Variants in DLK2 observed in about 807,000 individuals in gnomAD.
DLK2 encodes the protein delta like non-canonical Notch ligand 2, also known as protein delta homolog 2.
Under a neutral mutation model 31.3 loss-of-function variants are expected in DLK2, and 9 were observed. The observed-to-expected ratio is 0.29, with a 90% CI of 0.17 to 0.50. The LOEUF (loss-of-function observed/expected upper bound fraction) is 0.50. Among genes scored for constraint, DLK2 ranks in the 20% least tolerant of loss-of-function variants. The pLI, the probability that DLK2 is intolerant of heterozygous loss-of-function variation, is 0.98. For missense variants in DLK2, 387 were observed against 526.1 expected (o/e 0.74, Z 2.59); for synonymous variants, 169 against 201.2 (o/e 0.84, Z 1.35).
In DLK2 at chr6:43,451,937, C is replaced by T. The variant is rs1251013803; in HGVS notation, c.416+3G>A. ...CCACTCACCCTGAGGGCCCAGCACTCACCCTGCCTGTTCACAGGGTCCAGC... is the reference window on the plus strand; with the variant it reads ...CCACTCACCCTGAGGGCCCAGCACTTACCCTGCCTGTTCACAGGGTCCAGC... On this transcript the variant is annotated splice_donor_region_variant and intron_variant, in intron 5 of 5. Transcript: ENST00000372488. The surrounding 1 kb of genome is among the most constrained non-coding windows in gnomAD (Gnocchi z 4.4). 4 of 1,613,894 alleles carry T rather than the reference C, an allele frequency of 2.5e-6. No homozygotes were observed. The highest frequency in any genetic ancestry group is 3.3e-5 in the Admixed American group (2 of 59,990).
chr6:43,452,097 C>T lies in DLK2; in HGVS notation c.272-13G>A, dbSNP rs756859737. 5 of 1,613,996 alleles carry T rather than the reference C, an allele frequency of 3.1e-6. No individual in the cohort carries two copies. Among genetic ancestry groups the T allele is most frequent in the Non-Finnish European group, 3.4e-6 (4 of 1,179,966 alleles). On this transcript the variant is annotated splice_polypyrimidine_tract_variant and intron_variant, in intron 4 of 5. Coordinates refer to ENST00000372488, the MANE Select transcript of DLK2 (RefSeq NM_023932.4). ...CAGATATGTTCATCTGGAGAGGGGACAGGAAAGGCTCTGGGATAACCCCTC... is the reference window on the plus strand; with the variant it reads ...CAGATATGTTCATCTGGAGAGGGGATAGGAAAGGCTCTGGGATAACCCCTC...
intron 1 of DLK2, 124 bp from the exon 2 acceptor site, chr6:43,455,004 G>A: frequency 2.9e-6 from 4 of 1,400,010 alleles, no homozygotes; most frequent in Non-Finnish European, 2.8e-6. Context: ...TGGGGGTAGC[G>A]GGAGGATGGG....
Position 43,450,629 on chromosome 6 carries a change from C to T in DLK2, c.1062G>A (p.Gln354=). Residue 354 remains glutamine (Q), a synonymous_variant, in exon 6 of 6, where the codon CAG becomes CAA. Transcript: ENST00000372488. This position sits in a 1 kb window ranked among gnomAD's most constrained non-coding sequence, Gnocchi z 4.5. ...GCATGCTAACCTGACACTCCTGGTCCTGGCACGCTGGAGCATAGTGTGGGG... is the reference window on the plus strand; with the variant it reads ...GCATGCTAACCTGACACTCCTGGTCTTGGCACGCTGGAGCATAGTGTGGGG... The part of the protein sequence containing the change: ...YPAPHYAPAC[Q]DQECQVSMLP... 3 of 1,612,592 alleles carry T rather than the reference C, an allele frequency of 1.9e-6. No individual in the cohort carries two copies. Among genetic ancestry groups the T allele is most frequent in the Non-Finnish European group, 2.5e-6 (3 of 1,179,184 alleles).
chr6:43,454,542 G>A, intron 2 of DLK2, 68 bp from the exon 3 acceptor site: 1 of 1,483,284 alleles, frequency 6.7e-7, no homozygotes, highest in South Asian at 1.2e-5. Context: ...GCGGGACTCA[G>A]GAGAGGATTG....
Position 43,451,088 on chromosome 6 carries a change from A to T in DLK2, c.603T>A (p.Pro201=), listed in dbSNP as rs759977974. Reference sequence around the variant, plus strand: ...TGCAGAAGCGTCCAGCAAAGCCCTCAGGACAGAGGCAGGAGAAGCGGTTTA... The same window carrying T: ...TGCAGAAGCGTCCAGCAAAGCCCTCTGGACAGAGGCAGGAGAAGCGGTTTA... The part of the protein sequence containing the change: ...DGINRFSCLC[P]EGFAGRFCTI... The change falls in exon 6 of 6, where the codon CCT becomes CCA. Residue 201 remains proline, a synonymous_variant. Coordinates refer to ENST00000372488, the MANE Select transcript of DLK2 (RefSeq NM_023932.4). This position sits in a 1 kb window ranked among gnomAD's most constrained non-coding sequence, Gnocchi z 4.4. The T allele has an allele frequency of 3.7e-6, 6 of 1,614,154 alleles. No individual in the cohort carries two copies. The African/African-American group carries it at 5.3e-5, about 14-fold the overall frequency.
In DLK2 at chr6:43,451,642, A is replaced by G. The variant is rs1783747499; in HGVS notation, c.416+298T>C. Reference sequence around the variant, plus strand: ...GGTGCAAGCCAGCGTTCAGGAGAGGATGAGGAGAGACCCAGGCCCTTCAGT... The same window carrying G: ...GGTGCAAGCCAGCGTTCAGGAGAGGGTGAGGAGAGACCCAGGCCCTTCAGT... On this transcript the variant is annotated intron_variant, in intron 5 of 5. Coordinates refer to ENST00000372488, the MANE Select transcript of DLK2 (RefSeq NM_023932.4). The surrounding 1 kb of genome is among the most constrained non-coding windows in gnomAD (Gnocchi z 4.4). 1.3e-5 allele frequency among the ~76,000 whole-genome samples: 2 copies of G among 152,076 alleles called. No homozygotes were observed. The highest frequency in any genetic ancestry group is 2.9e-5 in the Non-Finnish European group (2 of 68,000).
In DLK2 at chr6:43,453,053, A is replaced by G; in HGVS notation, c.223T>C (p.Trp75Arg). The G allele has an allele frequency of 1.2e-6, 2 of 1,614,094 alleles. No homozygotes were observed. The highest frequency in any genetic ancestry group is 1.7e-6 in the Non-Finnish European group (2 of 1,180,012). Residue 75 changes from tryptophan to arginine, a missense_variant, in exon 4 of 6, where the codon TGG (tryptophan) becomes CGG (arginine). Trp to Arg is a moderately radical substitution (Grantham distance 101, BLOSUM62 -3). Coordinates refer to ENST00000372488, the MANE Select transcript of DLK2 (RefSeq NM_023932.4). This position sits in a 1 kb window ranked among gnomAD's most constrained non-coding sequence, Gnocchi z 4.1. The part of the protein sequence containing the change: ...GCQHGTCHQP[W>R]QCICHSGWAG... Reference sequence around the variant, plus strand: ...CAGCCACTGTGGCAGATGCACTGCCATGGCTGGTGGCAGGTACCGTGCTGG... The same window carrying G: ...CAGCCACTGTGGCAGATGCACTGCCGTGGCTGGTGGCAGGTACCGTGCTGG...
At chr6:43,452,666 C>A (rs970295889) in intron 4 of DLK2, among the ~76,000 whole-genome samples, 9 of 151,950 alleles carry the variant, frequency 5.9e-5, no homozygotes, top group Non-Finnish European at 2.9e-5. Context: ...GAGCCGAGAT[C>A]GCACCACTGC....
In DLK2 at chr6:43,450,624, T is replaced by C; in HGVS notation, c.1067A>G (p.Gln356Arg). Reference protein sequence around the residue: ...APHYAPACQDQECQVSMLPAG... With the variant: ...APHYAPACQDRECQVSMLPAG... ...TGGCAGCATGCTAACCTGACACTCC[T>C]GGTCCTGGCACGCTGGAGCATAGTG... The change falls in exon 6 of 6, where the codon CAG becomes CGG. Residue 356 changes from glutamine to arginine, a missense_variant. Coordinates refer to ENST00000372488, the MANE Select transcript of DLK2 (RefSeq NM_023932.4). This position sits in a 1 kb window ranked among gnomAD's most constrained non-coding sequence, Gnocchi z 4.5. 2 of 1,612,080 alleles carry C rather than the reference T, an allele frequency of 1.2e-6. No individual in the cohort carries two copies. Among genetic ancestry groups the C allele is most frequent in the Non-Finnish European group, 1.7e-6 (2 of 1,178,860 alleles).
At position 43,453,035 on chromosome 6, in the gene DLK2, T is replaced by C. The variant is rs1562214137; in HGVS notation, c.241A>G (p.Ser81Gly). The change falls in exon 4 of 6, where the codon AGT becomes GGT. Residue 81 changes from serine to glycine, a missense_variant. Ser to Gly is a moderately conservative substitution (Grantham distance 56). Transcript: ENST00000372488. The surrounding 1 kb of genome is among the most constrained non-coding windows in gnomAD (Gnocchi z 4.1). ...CHQPWQCICHSGWAGKFCDKD... is the reference protein window; with the variant it reads ...CHQPWQCICHGGWAGKFCDKD... The stretch of plus-strand genomic sequence containing the variant: ...TCACAGAACTTGCCTGCCCAGCCAC[T>C]GTGGCAGATGCACTGCCATGGCTGG... 4 of 1,614,134 alleles carry C rather than the reference T, an allele frequency of 2.5e-6. No individual in the cohort carries two copies. The highest frequency in any genetic ancestry group is 3.4e-6 in the Non-Finnish European group (4 of 1,180,000).
chr6:43,455,638 AT>A (rs1783956787), upstream of DLK2: 10 of 27,818 alleles, frequency 3.6e-4, no homozygotes, highest in African/African-American at 8.4e-4. Context: ...CCCCACCCCC[AT>A]CCCCCCCCCC....
Position 43,453,162 on chromosome 6 carries a change from G to C in DLK2, c.141-27C>G, listed in dbSNP as rs1368419580. 3.2e-6 allele frequency: 5 copies of C among 1,573,520 alleles called. No homozygotes were observed. The highest frequency in any genetic ancestry group is 2.7e-5 in the African/African-American group (2 of 73,480). ...TGACGGGGAGAAGCACAGGGTCAGG[G>C]CTCTGGGTCATGGATGTGAAGAAAT... On this transcript the variant is annotated intron_variant, in intron 3 of 5. Coordinates refer to ENST00000372488, the MANE Select transcript of DLK2 (RefSeq NM_023932.4). The surrounding 1 kb of genome is among the most constrained non-coding windows in gnomAD (Gnocchi z 4.1).
Position 43,451,362 on chromosome 6 carries a change from T to C in DLK2, c.417-88A>G. The C allele has an allele frequency of 6.7e-7, 1 of 1,495,054 alleles. No individual in the cohort carries two copies. The highest frequency in any genetic ancestry group is 9.0e-7 in the Non-Finnish European group (1 of 1,112,604). 92.6% of individuals were successfully genotyped at this position (1,495,054 alleles called of 1,614,324 possible). ...TCAGTATCCTGACCACTGCCCGCCA[T>C]GTCATCTTGGGCTACACACTCCGAG... On this transcript the variant is annotated intron_variant, in intron 5 of 5. Transcript: ENST00000372488. This position sits in a 1 kb window ranked among gnomAD's most constrained non-coding sequence, Gnocchi z 4.4.
At chr6:43,456,507 G>T (rs1009329432), upstream of DLK2, 6 of 152,248 alleles carry the variant, frequency 3.9e-5, no homozygotes, top group Admixed American at 3.3e-4. Context: ...CCTGAGGTCA[G>T]GAGTTCGAGA....
chr6:43,456,140 T>TC (rs1429262936), upstream of DLK2: 3 of 135,804 alleles, frequency 2.2e-5, no homozygotes, highest in African/African-American at 8.3e-5. Flanking sequence ...CACCCTTCCC[T>TC]CCCTCAAGTC....
chr6:43,454,770 G>T lies in DLK2; in HGVS notation c.56C>A (p.Ala19Asp), dbSNP rs866826732. The T allele has an allele frequency of 1.9e-6, 3 of 1,555,236 alleles. No individual in the cohort carries two copies. Among genetic ancestry groups the T allele is most frequent in the Non-Finnish European group, 2.6e-6 (3 of 1,156,550 alleles). ...HLVCLLCILG[A>D]PGQPVRADDC... ...CTCACCTCGGACAGGCTGACCGGGA[G>T]CCCCCAGAATGCACAACAGGCACAC... is the stretch of plus-strand genomic sequence containing the variant. Residue 19 changes from alanine to aspartate, a missense_variant, in exon 2 of 6, where the codon GCT becomes GAT. Transcript: ENST00000372488.
In DLK2 at chr6:43,451,847, G is replaced by A; in HGVS notation, c.416+93C>T. The A allele has an allele frequency of 6.6e-7, 1 of 1,525,208 alleles. No individual in the cohort carries two copies. Among genetic ancestry groups the A allele is most frequent in the Non-Finnish European group, 8.8e-7 (1 of 1,136,244 alleles). 94.5% of individuals were successfully genotyped at this position (1,525,208 alleles called of 1,614,324 possible). A position where few individuals can be genotyped will look rare whatever the true frequency, so the allele number is the denominator to read the frequency against. ...TGTCCCCGTGTGGGTCTGACTCTCA[G>A]TCCCCCACCCTCCCAACAGTCCTGC... is the stretch of plus-strand genomic sequence containing the variant. On this transcript the variant is annotated intron_variant, in intron 5 of 5. Transcript: ENST00000372488. This position sits in a 1 kb window ranked among gnomAD's most constrained non-coding sequence, Gnocchi z 4.4.
rs1783910971 is a variant in DLK2 at position 43,454,840 on chromosome 6, CCAGGAGGG to C, written c.-23_-16del. ...CCGCTGGGCATGGTCAGCGCCGGCC[CCAGGAGGG>C]ACGGACGGATGGACGGCCGGACGCG... On this transcript the variant is annotated 5_prime_UTR_variant, in exon 2 of 6. Coordinates refer to ENST00000372488, the MANE Select transcript of DLK2 (RefSeq NM_023932.4). The C allele has an allele frequency of 6.5e-7, 1 of 1,541,694 alleles. No individual in the cohort carries two copies.
In DLK2 at chr6:43,450,736, C is replaced by A. The variant is rs1446667207; in HGVS notation, c.955G>T (p.Ala319Ser). 1.9e-6 allele frequency: 3 copies of A among 1,614,184 alleles called. No homozygotes were observed. The highest frequency in any genetic ancestry group is 2.5e-6 in the Non-Finnish European group (3 of 1,180,004). Residue 319 changes from alanine to serine, a missense_variant, in exon 6 of 6, where the codon GCC (alanine) becomes TCC (serine). Transcript: ENST00000372488. This position sits in a 1 kb window ranked among gnomAD's most constrained non-coding sequence, Gnocchi z 4.5. ...ALVVFGALTA[A>S]LVLATVLLTL... Reference sequence around the variant, plus strand: ...AGCAACACAGTAGCCAGAACCAGGGCAGCAGTGAGGGCCCCAAACACCACC... The same window carrying A: ...AGCAACACAGTAGCCAGAACCAGGGAAGCAGTGAGGGCCCCAAACACCACC...
Sources: allele counts gnomAD v4.1 joint callset (sites outside exome capture counted in the v4.1 genomes callset), GRCh38; gene constraint gnomAD v4.1.1; non-coding constraint Gnocchi (gnomAD v3.1); transcripts MANE v1.5; gene names NCBI Gene and HGNC (gene_info 2026-07-23, HGNC 2026-07-21).